ANKRD44: variants seen among roughly 807,000 people sequenced by gnomAD.
The protein encoded by ANKRD44 is ankyrin repeat domain 44.
Under a neutral mutation model 116.0 loss-of-function variants are expected in ANKRD44, and 35 were observed. That is an observed-to-expected ratio of 0.30 (90% CI 0.23 to 0.40). The LOEUF (loss-of-function observed/expected upper bound fraction) is 0.40. Ranked by LOEUF, ANKRD44 falls within the 10% of genes least tolerant of loss-of-function variation. The pLI is 1.00. For missense variants in ANKRD44, 1,014 were observed against 1,242.6 expected (o/e 0.82, Z 2.77); for synonymous variants, 435 against 461.8 (o/e 0.94, Z 0.74).
rs554954700 is a variant in ANKRD44 at position 197,201,219 on chromosome 2, T to C, written c.28-14113A>G. Among the ~76,000 whole-genome samples the C allele has an allele frequency of 1.6e-4, 24 of 152,208 alleles. No homozygotes were observed. The highest frequency in any genetic ancestry group is 3.5e-4 in the Non-Finnish European group (24 of 68,034). On this transcript the variant is annotated intron_variant, in intron 1 of 27. Transcript: ENST00000282272. The surrounding 1 kb of genome is among the most constrained non-coding windows in gnomAD (Gnocchi z 4.0). ...TTTTTTAAACATTAGGAAAACAAGA[T>C]GCACTCCCAGAATGTTCATGTGAAG...
intron 20 of ANKRD44, among the ~76,000 whole-genome samples, chr2:197,007,505 T>C (rs2076221908): frequency 6.6e-6 from 1 of 152,268 alleles, no homozygotes; most frequent in South Asian, 2.1e-4. Flanking sequence ...TTCTATGATA[T>C]ACTTGTATTT....
chr2:197,009,082 T>C lies in ANKRD44; in HGVS notation c.1925-51A>G, dbSNP rs763796678. ...TTTTAACAGAACAACACTACACATA[T>C]CTCTTCCAAATGACTTTTTCTTTTT... On this transcript the variant is annotated intron_variant, in intron 18 of 27. Transcript: ENST00000282272. 4.1e-6 allele frequency: 6 copies of C among 1,471,914 alleles called. 1 individual carries two copies. Among genetic ancestry groups the C allele is most frequent in the South Asian group, 2.3e-5 (2 of 87,844 alleles). The allele number at this position is 1,471,914 out of a possible 1,614,324, so 91.2% of individuals were successfully genotyped here. A position where few individuals can be genotyped will look rare whatever the true frequency, so the allele number is the denominator to read the frequency against.
intron 13 of ANKRD44, among the ~76,000 whole-genome samples, chr2:197,086,350 A>G (rs945163476): frequency 1.2e-4 from 19 of 152,122 alleles, no homozygotes; most frequent in African/African-American, 3.9e-4. Context: ...AATATTCTAG[A>G]TCTTAAGACT....
chr2:197,107,676 A>T (rs1005214240), intron 9 of ANKRD44, among the ~76,000 whole-genome samples: 1 of 152,238 alleles, frequency 6.6e-6, no homozygotes, highest in East Asian at 1.9e-4. Context: ...TACAAAGAAC[A>T]TTCCTCAGTA....
At chr2:197,276,871 G>C (rs891254445) in intron 1 of ANKRD44, among the ~76,000 whole-genome samples, 1 of 151,910 alleles carries the variant, frequency 6.6e-6, no homozygotes, top group Non-Finnish European at 1.5e-5. Context: ...AAAAATCCAG[G>C]TGCCTAGGCT....
intron 1 of ANKRD44, among the ~76,000 whole-genome samples, chr2:197,286,472 C>T (rs2105852980): frequency 6.6e-6 from 1 of 151,670 alleles, no homozygotes; most frequent in South Asian, 2.1e-4. Context: ...TCTCCTGGGC[C>T]CAATTGATCC....
chr2:197,123,413 A>G (rs1488546767), intron 6 of ANKRD44, among the ~76,000 whole-genome samples: 1 of 152,170 alleles, frequency 6.6e-6, no homozygotes, highest in Non-Finnish European at 1.5e-5. Context: ...ACTCTGTTCC[A>G]TAATTCACTA....
intron 4 of ANKRD44, among the ~76,000 whole-genome samples, chr2:197,133,082 C>T (rs774548593): frequency 4.6e-4 from 70 of 152,188 alleles, no homozygotes; most frequent in Admixed American, 1.2e-3. Flanking sequence ...TGCTGTTGGG[C>T]ACCAGGTAGT....
At chr2:197,099,075 C>T (rs1019978917) in intron 10 of ANKRD44, among the ~76,000 whole-genome samples, 2 of 152,058 alleles carry the variant, frequency 1.3e-5, no homozygotes, top group South Asian at 2.1e-4. Context: ...TAATTCTCAG[C>T]CCCTAAAGCC....
At chr2:197,194,608 C>T (rs1378786472) in intron 1 of ANKRD44, among the ~76,000 whole-genome samples, 2 of 152,100 alleles carry the variant, frequency 1.3e-5, no homozygotes, top group African/African-American at 2.4e-5. Context: ...CAGAATTCAG[C>T]TTCAGTTTCA....
At chr2:197,175,962 G>A (rs1225612937) in intron 2 of ANKRD44, among the ~76,000 whole-genome samples, 2 of 152,166 alleles carry the variant, frequency 1.3e-5, no homozygotes, top group African/African-American at 4.8e-5. Context: ...ACCTAATGCA[G>A]TTCCGGACAA....
At chr2:197,025,148 T>A (rs776461256) in intron 17 of ANKRD44, 48 bp downstream of exon 17, 2 of 1,553,360 alleles carry the variant, frequency 1.3e-6, no homozygotes, top group Non-Finnish European at 1.8e-6. Context: ...TTAGGAATGC[T>A]TAGGTTGTTT....
chr2:197,191,316 C>T lies in ANKRD44; in HGVS notation c.28-4210G>A, dbSNP rs79989248. 4.1e-3 allele frequency among the ~76,000 whole-genome samples: 624 copies of T among 152,236 alleles called. 5 individuals carry two copies. Among genetic ancestry groups the T allele is most frequent in the African/African-American group, 0.014 (588 of 41,532 alleles). Reference sequence around the variant, plus strand: ...CCTACTACCTTTCCAGGAGTGTTGACGGCTGCCTTCTAGAGGTGAATGTCT... The same window carrying T: ...CCTACTACCTTTCCAGGAGTGTTGATGGCTGCCTTCTAGAGGTGAATGTCT... On this transcript the variant is annotated intron_variant, in intron 1 of 27. Coordinates refer to ENST00000282272, the MANE Select transcript of ANKRD44 (RefSeq NM_001195144.2).
intron 1 of ANKRD44, among the ~76,000 whole-genome samples, chr2:197,206,555 C>T (rs950527070): frequency 3.9e-5 from 6 of 152,072 alleles, no homozygotes; most frequent in South Asian, 2.1e-4. Context: ...TGGTGGCACA[C>T]GCCTGTAATC....
At chr2:197,166,165 A>G (rs1305629560) in intron 2 of ANKRD44, among the ~76,000 whole-genome samples, 3 of 152,202 alleles carry the variant, frequency 2.0e-5, no homozygotes, top group African/African-American at 4.8e-5. Context: ...TACAACCCCC[A>G]CCACTCCCTA....
intron 16 of ANKRD44, among the ~76,000 whole-genome samples, chr2:197,047,563 A>C (rs1406182207): frequency 6.6e-6 from 1 of 152,184 alleles, no homozygotes; most frequent in Non-Finnish European, 1.5e-5. Context: ...AATATGCTTT[A>C]TAGGAACTTA....
At chr2:196,983,334 A>G (rs1372591038), downstream of ANKRD44, among the ~76,000 whole-genome samples, 1 of 152,182 alleles carries the variant, frequency 6.6e-6, no homozygotes, top group African/African-American at 2.4e-5. Context: ...GTCTGGGCTG[A>G]GATCGCTGTT....
chr2:197,013,762 C>A (rs1397159833), intron 17 of ANKRD44, 50 bp from the exon 18 acceptor site: 5 of 1,601,038 alleles, frequency 3.1e-6, no homozygotes, highest in South Asian at 1.1e-5. Context: ...CACCTCAAAT[C>A]CCGCCACAGT....
At chr2:197,267,354 T>C (rs978896987) in intron 1 of ANKRD44, among the ~76,000 whole-genome samples, 2 of 152,228 alleles carry the variant, frequency 1.3e-5, no homozygotes. Flanking sequence ...ACCTTTCTAA[T>C]AGGTTGTCAT....
Sources: allele counts gnomAD v4.1 joint callset (sites outside exome capture counted in the v4.1 genomes callset), GRCh38; gene constraint gnomAD v4.1.1; non-coding constraint Gnocchi (gnomAD v3.1); transcripts MANE v1.5; gene names NCBI Gene and HGNC (gene_info 2026-07-23, HGNC 2026-07-21).